Variants in ACAP2 observed in about 807,000 individuals in gnomAD.
The protein encoded by ACAP2 is ArfGAP with coiled-coil, ankyrin repeat and PH domains 2.
In ACAP2, 39 loss-of-function variants were observed where a neutral mutation model predicts 115.8. That is an observed-to-expected ratio of 0.34 (90% CI 0.26 to 0.44). The LOEUF is 0.44. Among genes scored for constraint, ACAP2 ranks in the 20% least tolerant of loss-of-function variants. ACAP2 has a pLI of 1.00. For synonymous variants in ACAP2, 289 were observed against 315.8 expected (o/e 0.92, Z 0.90); for missense variants, 662 against 927.6 (o/e 0.71, Z 3.72).
chr3:195,341,009 C>T (rs1730829388), intron 6 of ACAP2, among the ~76,000 whole-genome samples: 1 of 152,054 alleles, frequency 6.6e-6, no homozygotes, highest in Non-Finnish European at 1.5e-5. Flanking sequence ...TATTTGGTTA[C>T]TTGTATTTTT....
At chr3:195,335,338 T>G (rs975580769) in intron 7 of ACAP2, among the ~76,000 whole-genome samples, 1 of 152,184 alleles carries the variant, frequency 6.6e-6, no homozygotes, top group Non-Finnish European at 1.5e-5. Context: ...ACAAAAGCCA[T>G]CATTAAATAA....
Position 195,285,813 on chromosome 3 carries a change from C to T in ACAP2, c.2219G>A (p.Gly740Glu). Residue 740 changes from glycine to glutamate, a missense_variant, in exon 22 of 23, where the codon GGA (glycine) becomes GAA (glutamate). This residue lies in a region of ACAP2 where 128 missense variants were observed against 200.2 expected (regional missense o/e 0.64). Transcript: ENST00000326793. ...RMNEEMRESEGLYGQPGDETY... is the reference protein window; with the variant it reads ...RMNEEMRESEELYGQPGDETY... ...ATATTGACCTGGCTGTCCATAAAGTCCTTCTGATTCCCGCATCTCTTCATT... is the reference window on the plus strand; with the variant it reads ...ATATTGACCTGGCTGTCCATAAAGTTCTTCTGATTCCCGCATCTCTTCATT... 2 of 1,612,456 alleles carry T rather than the reference C, an allele frequency of 1.2e-6. No homozygotes were observed. Among genetic ancestry groups the T allele is most frequent in the Non-Finnish European group, 1.7e-6 (2 of 1,179,516 alleles).
intron 8 of ACAP2, among the ~76,000 whole-genome samples, chr3:195,330,422 T>C (rs1296595275): frequency 1.3e-5 from 2 of 152,174 alleles, no homozygotes; most frequent in African/African-American, 4.8e-5. Flanking sequence ...GGTAAACCTA[T>C]AAAACTAAAA....
chr3:195,378,861 CA>C (rs367815107), intron 4 of ACAP2, among the ~76,000 whole-genome samples: 128 of 70,758 alleles, frequency 1.8e-3, no homozygotes, highest in Middle Eastern at 7.5e-3. Flanking sequence ...ACTCTGTCTC[CA>C]AAAAAAAAAA....
chr3:195,308,807 C>A lies in ACAP2; in HGVS notation c.888G>T (p.Leu296Phe). 1 of 1,608,756 alleles carries A rather than the reference C, an allele frequency of 6.2e-7. No homozygotes were observed. The highest frequency in any genetic ancestry group is 1.1e-5 in the South Asian group (1 of 89,436). Residue 296 changes from leucine to phenylalanine, a missense_variant, in exon 11 of 23, where the codon TTG (leucine) becomes TTT (phenylalanine). Leu to Phe is a conservative substitution (Grantham distance 22). Transcript: ENST00000326793. ...CTACCTTAAATTTTTTCTGGTAAAC[C>A]AACTGATTATTCTGTATTGAAAACC... ...RRWFSIQNNQ[L>F]VYQKKFKDNP...
At position 195,289,183 on chromosome 3, in the gene ACAP2, A is replaced by C; in HGVS notation, c.2112T>G (p.Asp704Glu). ...LKRGANQHAT[D>E]EEGKDPLSIA... ...TGCTCAAAGGGTCTTTCCCTTCTTC[A>C]TCAGTGGCATGTTGATTGGCACCTC... Residue 704 changes from aspartate (D) to glutamate (E), a missense_variant, in exon 21 of 23, where the codon GAT becomes GAG. Physicochemically the swap from Asp to Glu is conservative, Grantham distance 45. This residue lies in a region of ACAP2 where 128 missense variants were observed against 200.2 expected (regional missense o/e 0.64). Transcript: ENST00000326793. 2 of 1,613,726 alleles carry C rather than the reference A, an allele frequency of 1.2e-6. No homozygotes were observed. The highest frequency in any genetic ancestry group is 2.2e-5 in the East Asian group (1 of 44,826).
At chr3:195,355,658 A>G (rs746829956) in intron 4 of ACAP2, among the ~76,000 whole-genome samples, 52 of 152,208 alleles carry the variant, frequency 3.4e-4, no homozygotes, top group Non-Finnish European at 6.5e-4. Context: ...TTCCTCATAC[A>G]TGTATGACCA....
At chr3:195,370,974 A>T (rs1370943153) in intron 4 of ACAP2, among the ~76,000 whole-genome samples, 1 of 146,766 alleles carries the variant, frequency 6.8e-6, no homozygotes, top group Non-Finnish European at 1.5e-5. Flanking sequence ...AAAAAAAAAT[A>T]GTTTGAAGTC....
At chr3:195,428,091 C>T (rs1342420728) in intron 1 of ACAP2, among the ~76,000 whole-genome samples, 2 of 151,720 alleles carry the variant, frequency 1.3e-5, no homozygotes, top group Admixed American at 1.3e-4. Context: ...AGGGTATCAA[C>T]ATGTCCAAAA....
intron 4 of ACAP2, among the ~76,000 whole-genome samples, chr3:195,351,133 C>G (rs62287115): frequency 0.28 from 38,471 of 138,228 alleles, 6,711 homozygotes; most frequent in East Asian, 0.8. Context: ...TTTTTTTGGG[C>G]GGGGGACAGG....
At chr3:195,351,757 C>G (rs1731625911) in intron 4 of ACAP2, among the ~76,000 whole-genome samples, 1 of 152,188 alleles carries the variant, frequency 6.6e-6, no homozygotes, top group Non-Finnish European at 1.5e-5. Flanking sequence ...GCCACCATGC[C>G]CGGCCTAAAT....
At chr3:195,368,320 T>C (rs897532334) in intron 4 of ACAP2, among the ~76,000 whole-genome samples, 3 of 152,184 alleles carry the variant, frequency 2.0e-5, no homozygotes, top group Non-Finnish European at 2.9e-5. Flanking sequence ...TGGCTAATTT[T>C]TGTATTTTTA....
chr3:195,336,911 T>C, intron 7 of ACAP2, 21 bp downstream of exon 7: 3 of 1,554,942 alleles, frequency 1.9e-6, no homozygotes, highest in Non-Finnish European at 2.7e-6. Context: ...ATTTAAAACA[T>C]CATTTCAATT....
intron 15 of ACAP2, 113 bp from the exon 16 acceptor site, chr3:195,297,394 G>A (rs1195594826): frequency 2.6e-6 from 2 of 766,384 alleles, no homozygotes; most frequent in Non-Finnish European, 4.1e-6. Flanking sequence ...TACACATTCT[G>A]CAGATGCTTA....
intron 1 of ACAP2, among the ~76,000 whole-genome samples, chr3:195,416,350 A>G (rs1408934067): frequency 6.6e-6 from 1 of 152,190 alleles, no homozygotes; most frequent in African/African-American, 2.4e-5. Flanking sequence ...GTCAAAAAAA[A>G]AAAAAAAATC....
chr3:195,352,222 C>T (rs1008048336), intron 4 of ACAP2, among the ~76,000 whole-genome samples: 1 of 152,050 alleles, frequency 6.6e-6, no homozygotes, highest in Non-Finnish European at 1.5e-5. Flanking sequence ...TATAGGTTTG[C>T]AGCGTAAAAG....
intron 1 of ACAP2, among the ~76,000 whole-genome samples, chr3:195,405,046 C>T (rs569129913): frequency 4.6e-5 from 7 of 152,072 alleles, no homozygotes; most frequent in East Asian, 3.9e-4. Flanking sequence ...GTGATCCGCC[C>T]GCCCCAGCCT....
intron 15 of ACAP2, among the ~76,000 whole-genome samples, chr3:195,299,360 A>C (rs1424706786): frequency 6.8e-6 from 1 of 147,946 alleles, no homozygotes; most frequent in East Asian, 2.0e-4. Flanking sequence ...ACTTGAGGCC[A>C]GGAGTTCAAG....
intron 11 of ACAP2, among the ~76,000 whole-genome samples, chr3:195,307,683 A>G (rs933095803): frequency 6.6e-6 from 1 of 152,164 alleles, no homozygotes; most frequent in African/African-American, 2.4e-5. Context: ...TTTCCTCCAA[A>G]AGAGAAGCTT....
Sources: gnomAD v4.1 joint callset for allele counts (sites outside exome capture counted in the v4.1 genomes callset) on GRCh38, gnomAD v4.1.1 for gene constraint, gnomAD v4.1.1 regional missense constraint, MANE v1.5 for transcripts, NCBI Gene and HGNC (gene_info 2026-07-23, HGNC 2026-07-21) for gene names.